Variants in PAG1 observed in about 807,000 individuals in gnomAD.
PAG1 encodes phosphoprotein associated with glycosphingolipid-enriched microdomains 1.
In PAG1, 23 loss-of-function variants were observed where a neutral mutation model predicts 31.7. That is an observed-to-expected ratio of 0.73 (90% CI 0.52 to 1.03). PAG1 has a LOEUF of 1.03. PAG1 is among the 50% of genes least tolerant of loss of function. PAG1 has a pLI of 0.00. For synonymous variants in PAG1, 214 were observed against 210.3 expected (o/e 1.02, Z -0.15); for missense variants, 473 against 540.7 (o/e 0.87, Z 1.24).
chr8:81,016,029 G>T lies in PAG1; in HGVS notation c.-81+13967C>A, dbSNP rs76625448. Among the ~76,000 whole-genome samples, 1,061 of 152,286 alleles carry T rather than the reference G, an allele frequency of 7.0e-3. 16 individuals carry two copies. Among genetic ancestry groups the T allele is most frequent in the African/African-American group, 0.024 (1,005 of 41,540 alleles). ...CCCACACTAGCCTGCTGGATGATGA[G>T]AAGGTGGTCATCCAGTTGTCCTTAT... On this transcript the variant is annotated intron_variant, in intron 3 of 8. Coordinates refer to ENST00000220597, the MANE Select transcript of PAG1 (RefSeq NM_018440.4).
At chr8:80,989,766 C>T (rs1807500635) in intron 5 of PAG1, among the ~76,000 whole-genome samples, 1 of 152,148 alleles carries the variant, frequency 6.6e-6, no homozygotes, top group Admixed American at 6.5e-5. Flanking sequence ...AACTGGATCA[C>T]CTGGGGTGCT....
chr8:81,109,231 G>A (rs960992960), intron 1 of PAG1, among the ~76,000 whole-genome samples: 1 of 152,204 alleles, frequency 6.6e-6, no homozygotes, highest in South Asian at 2.1e-4. Context: ...TTTCTGTTGT[G>A]GGTGCTGTTA....
chr8:81,074,156 A>C (rs951347849), intron 1 of PAG1, among the ~76,000 whole-genome samples: 3 of 152,208 alleles, frequency 2.0e-5, no homozygotes, highest in African/African-American at 7.2e-5. Context: ...GATCCAGAAA[A>C]GCAGAACAAT....
In PAG1 at chr8:80,991,547, A is replaced by G; in HGVS notation, c.126-17T>C. ...TTCTTTTCCCTGAAATGAAAAGTGA[A>G]ATGTTGTAATGTCAAATGTGCCCCC... On this transcript the variant is annotated splice_polypyrimidine_tract_variant and intron_variant, in intron 4 of 8. Coordinates refer to ENST00000220597, the MANE Select transcript of PAG1 (RefSeq NM_018440.4). 1.3e-6 allele frequency: 2 copies of G among 1,596,524 alleles called. No homozygotes were observed. Among genetic ancestry groups the G allele is most frequent in the East Asian group, 2.2e-5 (1 of 44,804 alleles).
intron 3 of PAG1, among the ~76,000 whole-genome samples, chr8:80,997,879 C>T (rs1392669707): frequency 6.6e-6 from 1 of 152,116 alleles, no homozygotes. Flanking sequence ...AGTGGTACTA[C>T]CTCAATCTCC....
At chr8:81,087,756 G>A (rs1388031998) in intron 1 of PAG1, among the ~76,000 whole-genome samples, 1 of 152,220 alleles carries the variant, frequency 6.6e-6, no homozygotes, top group African/African-American at 2.4e-5. Flanking sequence ...CTCTGTGGCT[G>A]CAGGAGAACA....
At chr8:81,065,627 A>G (rs1189267367) in intron 2 of PAG1, among the ~76,000 whole-genome samples, 1 of 152,176 alleles carries the variant, frequency 6.6e-6, no homozygotes, top group Non-Finnish European at 1.5e-5. Flanking sequence ...TAAAATTCCA[A>G]ATGGTGCCAT....
chr8:81,038,692 A>T (rs1808503594), intron 2 of PAG1, among the ~76,000 whole-genome samples: 1 of 152,196 alleles, frequency 6.6e-6, no homozygotes, highest in Non-Finnish European at 1.5e-5. Context: ...GAACACACAC[A>T]CATTTGACCA....
At chr8:81,009,680 A>T (rs1179461746) in intron 3 of PAG1, among the ~76,000 whole-genome samples, 4 of 152,152 alleles carry the variant, frequency 2.6e-5, no homozygotes, top group Non-Finnish European at 5.9e-5. Flanking sequence ...TGGTGTGATC[A>T]TAGCTCACTG....
intron 5 of PAG1, among the ~76,000 whole-genome samples, chr8:80,988,150 G>A (rs1304858127): frequency 6.6e-6 from 1 of 152,182 alleles, no homozygotes; most frequent in Non-Finnish European, 1.5e-5. Context: ...GACCTACACA[G>A]GGCTATAGGC....
intron 1 of PAG1, among the ~76,000 whole-genome samples, chr8:81,074,020 G>A (rs1809135717): frequency 6.6e-6 from 1 of 152,230 alleles, no homozygotes; most frequent in African/African-American, 2.4e-5. Flanking sequence ...ACTGAGGGGA[G>A]CACTGGCCAG....
chr8:81,007,813 G>A (rs1293244903), intron 3 of PAG1, among the ~76,000 whole-genome samples: 2 of 152,126 alleles, frequency 1.3e-5, no homozygotes, highest in African/African-American at 4.8e-5. Flanking sequence ...AGAGGCATGA[G>A]GTTTGCACTA....
intron 1 of PAG1, among the ~76,000 whole-genome samples, chr8:81,110,888 C>A (rs915693172): frequency 2.0e-5 from 3 of 152,214 alleles, no homozygotes; most frequent in Non-Finnish European, 4.4e-5. Context: ...GAATGGAGGG[C>A]CACAGCTGCA....
chr8:80,998,280 C>T (rs1807722397), intron 3 of PAG1, among the ~76,000 whole-genome samples: 1 of 152,030 alleles, frequency 6.6e-6, no homozygotes, highest in African/African-American at 2.4e-5. Flanking sequence ...CAGGCGCGCG[C>T]CACCATGCCC....
chr8:81,019,911 G>T (rs924551993), intron 3 of PAG1, among the ~76,000 whole-genome samples: 8 of 152,292 alleles, frequency 5.3e-5, no homozygotes, highest in Admixed American at 2.6e-4. Flanking sequence ...AGCCAGGAGT[G>T]GGGATGTACC....
intron 4 of PAG1, among the ~76,000 whole-genome samples, chr8:80,991,937 A>C (rs1807558449): frequency 6.6e-6 from 1 of 152,010 alleles, no homozygotes; most frequent in Non-Finnish European, 1.5e-5. Flanking sequence ...GGATGGAGAA[A>C]ATACAGATTT....
chr8:81,060,685 AT>A (rs1808903256), intron 2 of PAG1, among the ~76,000 whole-genome samples: 1 of 152,222 alleles, frequency 6.6e-6, no homozygotes, highest in Admixed American at 6.5e-5. Context: ...CCTTCTCTAT[AT>A]TATTGAAAAT....
chr8:80,987,277 C>G (rs564192735), intron 6 of PAG1, 93 bp downstream of exon 6: 7 of 810,012 alleles, frequency 8.6e-6, no homozygotes, highest in Non-Finnish European at 1.5e-5. Context: ...AGCAATAACA[C>G]ATTTCCTACT....
At chr8:81,103,803 T>C (rs1041425815) in intron 1 of PAG1, among the ~76,000 whole-genome samples, 1 of 152,178 alleles carries the variant, frequency 6.6e-6, no homozygotes, top group Admixed American at 6.5e-5. Context: ...ATTTATCACC[T>C]TCTCTTTCAG....
Sources: allele counts gnomAD v4.1 joint callset (sites outside exome capture counted in the v4.1 genomes callset), GRCh38; gene constraint gnomAD v4.1.1; transcripts MANE v1.5; gene names NCBI Gene and HGNC (gene_info 2026-07-23, HGNC 2026-07-21).